The following CDK14 variants were observed in gnomAD, a reference collection of about 807,000 sequenced individuals.
The protein encoded by CDK14 is cyclin-dependent kinase 14.
Under a neutral mutation model 60.7 loss-of-function variants are expected in CDK14, and 34 were observed. That is an observed-to-expected ratio of 0.56 (90% CI 0.43 to 0.75). The LOEUF (loss-of-function observed/expected upper bound fraction) is 0.75. CDK14 is among the 30% of genes least tolerant of loss of function. CDK14 has a pLI of 0.00. For synonymous variants in CDK14, 197 were observed against 203.7 expected, an observed-to-expected ratio of 0.97 and a Z score of 0.28; for missense variants, 482 against 564.1, an observed-to-expected ratio of 0.85 and a Z score of 1.47.
intron 14 of CDK14, among the ~76,000 whole-genome samples, chr7:91,146,366 A>T (rs972030060): frequency 2.0e-4 from 30 of 152,136 alleles, no homozygotes; most frequent in African/African-American, 7.2e-4. Context: ...ATGCCTGGCT[A>T]ATTTTTGTAT....
chr7:90,797,191 AG>A (rs1367872004), intron 5 of CDK14, among the ~76,000 whole-genome samples: 1 of 151,744 alleles, frequency 6.6e-6, no homozygotes, highest in African/African-American at 2.4e-5. Flanking sequence ...AATGTCTTGC[AG>A]TCTTGGAAGC....
chr7:90,696,426 C>T (rs753463579), intron 2 of CDK14, among the ~76,000 whole-genome samples: 3 of 150,354 alleles, frequency 2.0e-5, no homozygotes, highest in Non-Finnish European at 3.0e-5. Flanking sequence ...CTGCAACCTC[C>T]GCCTCCCGGG....
intron 6 of CDK14, among the ~76,000 whole-genome samples, chr7:90,894,880 G>A (rs1487265776): frequency 6.6e-6 from 1 of 152,046 alleles, no homozygotes. Context: ...TCTAAGATTA[G>A]CCTTGTTTGG....
At chr7:90,698,943 C>G (rs1177084331) in intron 2 of CDK14, among the ~76,000 whole-genome samples, 1 of 152,108 alleles carries the variant, frequency 6.6e-6, no homozygotes, top group East Asian at 1.9e-4. Flanking sequence ...GGAAGAAAAT[C>G]CACAGAGAGA....
chr7:91,070,434 AAC>A (rs1245974158), intron 11 of CDK14, among the ~76,000 whole-genome samples: 1 of 152,194 alleles, frequency 6.6e-6, no homozygotes, highest in Admixed American at 6.5e-5. Flanking sequence ...ACATATTAGG[AAC>A]CATTAACTAT....
chr7:91,138,963 G>A (rs1043743338), intron 14 of CDK14, among the ~76,000 whole-genome samples: 15 of 152,144 alleles, frequency 9.9e-5, no homozygotes, highest in Admixed American at 2.6e-4. Context: ...TGGAAGCCAG[G>A]TTGACTTGTC....
chr7:90,841,982 T>A (rs572377771), intron 5 of CDK14, among the ~76,000 whole-genome samples: 204 of 152,102 alleles, frequency 1.3e-3, no homozygotes, highest in African/African-American at 4.5e-3. Flanking sequence ...TGTATTTTTT[T>A]AAAAAATAAT....
At chr7:91,137,695 T>C (rs2374387) in intron 14 of CDK14, among the ~76,000 whole-genome samples, 1 of 38,666 alleles carries the variant, frequency 2.6e-5, no homozygotes, top group Non-Finnish European at 1.1e-4. Context: ...TTGTGGGGGG[T>C]GTGTGTGTGT....
chr7:91,188,752 G>A (rs1802265218), intron 14 of CDK14, among the ~76,000 whole-genome samples: 1 of 152,112 alleles, frequency 6.6e-6, no homozygotes, highest in African/African-American at 2.4e-5. Flanking sequence ...TATTACCAAT[G>A]TTATACCTCA....
intron 8 of CDK14, among the ~76,000 whole-genome samples, chr7:90,925,041 AC>A (rs1793373417): frequency 2.0e-5 from 3 of 152,138 alleles, no homozygotes; most frequent in Admixed American, 1.3e-4. Context: ...TGTCTGAAAA[AC>A]TTTTTTTTTA....
chr7:90,704,110 C>G (rs973210133), intron 2 of CDK14, among the ~76,000 whole-genome samples: 1 of 152,038 alleles, frequency 6.6e-6, no homozygotes, highest in Non-Finnish European at 1.5e-5. Flanking sequence ...AAGCAGTGCC[C>G]TGAAATCAGA....
At chr7:91,156,027 G>A (rs1185609280) in intron 14 of CDK14, among the ~76,000 whole-genome samples, 3 of 152,124 alleles carry the variant, frequency 2.0e-5, no homozygotes, top group Non-Finnish European at 2.9e-5. Context: ...CTTTGTACCA[G>A]TTGATTTCCC....
At chr7:90,975,160 C>T (rs1349219975) in intron 9 of CDK14, among the ~76,000 whole-genome samples, 1 of 152,080 alleles carries the variant, frequency 6.6e-6, no homozygotes, top group Non-Finnish European at 1.5e-5. Flanking sequence ...TTGTCTTTCC[C>T]TTTTCTAAGG....
At chr7:90,872,057 A>C (rs1000492960) in intron 6 of CDK14, among the ~76,000 whole-genome samples, 1 of 152,182 alleles carries the variant, frequency 6.6e-6, no homozygotes, top group Non-Finnish European at 1.5e-5. Context: ...TGTGCCAGGG[A>C]GTATCCTTAA....
chr7:90,744,777 C>T (rs76884726), intron 3 of CDK14, among the ~76,000 whole-genome samples: 2 of 137,632 alleles, frequency 1.5e-5, no homozygotes, highest in Non-Finnish European at 3.2e-5. Context: ...CTGACCCCCC[C>T]ACCTCCCTGC....
chr7:90,797,135 C>T (rs1004735569), intron 5 of CDK14, among the ~76,000 whole-genome samples: 2 of 151,698 alleles, frequency 1.3e-5, no homozygotes, highest in Non-Finnish European at 2.9e-5. Context: ...GCTAGGGCTG[C>T]TGAAAAAAAG....
At chr7:90,783,495 A>T (rs1458135962) in intron 4 of CDK14, among the ~76,000 whole-genome samples, 2 of 152,190 alleles carry the variant, frequency 1.3e-5, no homozygotes, top group East Asian at 3.8e-4. Flanking sequence ...GAATGGGAGA[A>T]AATACTTGCA....
rs570434549 is a variant in CDK14 at position 90,756,187 on chromosome 7, C to T, written c.464+8412C>T. 2.0e-5 allele frequency among the ~76,000 whole-genome samples: 3 copies of T among 152,336 alleles called. No homozygotes were observed. In the South Asian group the frequency reaches 6.2e-4, roughly 32 times the overall value. The stretch of plus-strand genomic sequence containing the variant: ...CTCTGAATATTCCAAATAGTTCTCA[C>T]ATATACTCTGACTTGTTTTAATTAT... On this transcript the variant is annotated intron_variant, in intron 4 of 14. Coordinates refer to ENST00000380050, the MANE Select transcript of CDK14 (RefSeq NM_001287135.2).
At chr7:90,718,236 G>A (rs1184334478) in intron 2 of CDK14, among the ~76,000 whole-genome samples, 1 of 152,030 alleles carries the variant, frequency 6.6e-6, no homozygotes, top group East Asian at 1.9e-4. Flanking sequence ...GTGCCAGGAT[G>A]TCAGAGTTAA....
Sources: gnomAD v4.1 joint callset for allele counts (sites outside exome capture counted in the v4.1 genomes callset) on GRCh38, gnomAD v4.1.1 for gene constraint, MANE v1.5 for transcripts, NCBI Gene and HGNC (gene_info 2026-07-23, HGNC 2026-07-21) for gene names.